The following TNFSF4 variants were observed in gnomAD, a reference collection of about 807,000 sequenced individuals.
The protein encoded by TNFSF4 is TNF superfamily member 4.
In TNFSF4, 4 loss-of-function variants were observed where a neutral mutation model predicts 7.3. The ratio of observed to expected loss-of-function variants is 0.55; its 90% CI spans 0.27 to 1.25. TNFSF4 has a LOEUF of 1.25. TNFSF4 is among the 50% of genes most tolerant of loss of function. The pLI is 0.12. For synonymous variants in TNFSF4, 76 were observed against 83.7 expected, an observed-to-expected ratio of 0.91 and a Z score of 0.50; for missense variants, 181 against 208.8, an observed-to-expected ratio of 0.87 and a Z score of 0.82.
the TNFSF4 span, among the ~76,000 whole-genome samples, chr1:173,236,902 C>A: frequency 6.6e-6 from 1 of 152,138 alleles, no homozygotes; most frequent in African/African-American, 2.4e-5. Flanking sequence ...GTTCATTCAA[C>A]ATACATGATA....
the TNFSF4 span, among the ~76,000 whole-genome samples, chr1:173,357,590 G>T: frequency 8.6e-5 from 13 of 152,046 alleles, no homozygotes; most frequent in Non-Finnish European, 1.2e-4. Context: ...GGAGCGCAAT[G>T]GTGCAATGTC....
chr1:173,394,416 C>G, the TNFSF4 span, among the ~76,000 whole-genome samples: 41 of 152,100 alleles, frequency 2.7e-4, no homozygotes, highest in Admixed American at 6.6e-5. Flanking sequence ...TTTCCAGATA[C>G]TTTACTGTGA....
chr1:173,359,622 C>T, the TNFSF4 span, among the ~76,000 whole-genome samples: 18 of 150,510 alleles, frequency 1.2e-4, no homozygotes, highest in East Asian at 3.5e-3. Context: ...TATTGGATTA[C>T]ACTTTTCTGG....
At chr1:173,391,435 CAAAAAAAAAAAAAAAAAA>C in the TNFSF4 span, among the ~76,000 whole-genome samples, 1 of 108,826 alleles carries the variant, frequency 9.2e-6, no homozygotes, top group South Asian at 3.0e-4. Context: ...CCTTAGAAAG[CAAAAAAAAAAAAAAAAAA>C]AAAAAAAAAA....
the TNFSF4 span, among the ~76,000 whole-genome samples, chr1:173,399,696 T>C: frequency 6.6e-6 from 1 of 152,014 alleles, no homozygotes. Flanking sequence ...AATAATCAAA[T>C]GGACAGGGTG....
intron 1 of TNFSF4, among the ~76,000 whole-genome samples, chr1:173,195,789 T>C (rs1197026995): frequency 6.6e-6 from 1 of 152,174 alleles, no homozygotes; most frequent in Non-Finnish European, 1.5e-5. Context: ...CCTTGCTTGG[T>C]ACAAGGCCAC....
chr1:173,435,335 G>C, the TNFSF4 span, among the ~76,000 whole-genome samples: 1 of 152,206 alleles, frequency 6.6e-6, no homozygotes, highest in African/African-American at 2.4e-5. Flanking sequence ...GCTCTGGACT[G>C]AATTGTGTCC....
At chr1:173,213,128 C>T in the TNFSF4 span, among the ~76,000 whole-genome samples, 2 of 152,106 alleles carry the variant, frequency 1.3e-5, no homozygotes, top group Non-Finnish European at 2.9e-5. Flanking sequence ...GATTAGCAAA[C>T]CTGAAATGTA....
the TNFSF4 span, among the ~76,000 whole-genome samples, chr1:173,260,115 G>GA: frequency 1.6e-4 from 24 of 152,270 alleles, no homozygotes; most frequent in East Asian, 4.6e-3. Flanking sequence ...CCTACAAAGA[G>GA]AATCCCATCA....
chr1:173,398,046 C>A, the TNFSF4 span, among the ~76,000 whole-genome samples: 1 of 152,118 alleles, frequency 6.6e-6, no homozygotes, highest in African/African-American at 2.4e-5. Flanking sequence ...ATTGATCTGC[C>A]AAATGCCTTA....
At chr1:173,180,571 T>C (rs1571176586), downstream of TNFSF4, among the ~76,000 whole-genome samples, 1 of 152,188 alleles carries the variant, frequency 6.6e-6, no homozygotes, top group Admixed American at 6.5e-5. Flanking sequence ...AATGTCTGCC[T>C]TTTCAAAAAC....
the TNFSF4 span, among the ~76,000 whole-genome samples, chr1:173,402,965 A>G: frequency 2.0e-4 from 31 of 152,158 alleles, no homozygotes; most frequent in Middle Eastern, 3.4e-3. Context: ...TGATCCTCCA[A>G]CCTCAGCTGC....
chr1:173,197,932 T>G (rs972365865), intron 1 of TNFSF4, among the ~76,000 whole-genome samples: 2 of 152,234 alleles, frequency 1.3e-5, no homozygotes, highest in African/African-American at 4.8e-5. Flanking sequence ...ATCTGTCTAT[T>G]CTTATGCCAG....
the TNFSF4 span, among the ~76,000 whole-genome samples, chr1:173,246,856 C>CTGGA: frequency 6.6e-6 from 1 of 152,218 alleles, no homozygotes; most frequent in Non-Finnish European, 1.5e-5. Flanking sequence ...GGTCTTCTGT[C>CTGGA]CTCCAGATAT....
At chr1:173,407,559 CAAAAA>C in the TNFSF4 span, among the ~76,000 whole-genome samples, 1 of 72,066 alleles carries the variant, frequency 1.4e-5, no homozygotes. Context: ...GACTCTGCCT[CAAAAA>C]AAAAAAAAAA....
the TNFSF4 span, among the ~76,000 whole-genome samples, chr1:173,230,061 A>G: frequency 6.6e-6 from 1 of 152,138 alleles, no homozygotes; most frequent in Non-Finnish European, 1.5e-5. Context: ...ACGAATTGAA[A>G]TCAGCTCTGC....
the TNFSF4 span, among the ~76,000 whole-genome samples, chr1:173,255,301 G>A: frequency 6.6e-6 from 1 of 152,122 alleles, no homozygotes; most frequent in Non-Finnish European, 1.5e-5. Flanking sequence ...GACTTTGGCA[G>A]GACGATTGGT....
chr1:173,184,613 TA>T lies in TNFSF4; in HGVS notation c.*1902del, dbSNP rs1421682816. ...ATGAACCATGCATTTTCTTAAATAT[TA>T]CCTATAGTCATAAACGTTTACTTTT... is the stretch of plus-strand genomic sequence containing the variant. On this transcript the variant is annotated 3_prime_UTR_variant, in exon 3 of 3. Coordinates refer to ENST00000281834, the MANE Select transcript of TNFSF4 (RefSeq NM_003326.5). 6.6e-6 allele frequency: 1 copy of T among 152,182 alleles called. No homozygotes were observed. The highest frequency in any genetic ancestry group is 2.4e-5 in the African/African-American group (1 of 41,442). The allele number at this position is 152,182 out of a possible 1,614,324, so 9.4% of individuals were successfully genotyped here.
the TNFSF4 span, among the ~76,000 whole-genome samples, chr1:173,284,242 G>T: frequency 2.6e-5 from 4 of 152,160 alleles, no homozygotes; most frequent in Non-Finnish European, 4.4e-5. Flanking sequence ...ACTGAACATG[G>T]TTCCTGAAGA....
Sources: gnomAD v4.1 joint callset for allele counts (sites outside exome capture counted in the v4.1 genomes callset) on GRCh38, gnomAD v4.1.1 for gene constraint, MANE v1.5 for transcripts, NCBI Gene and HGNC (gene_info 2026-07-23, HGNC 2026-07-21) for gene names.